CFAP58: variants seen among roughly 807,000 people sequenced by gnomAD.
The protein encoded by CFAP58 is cilia- and flagella-associated protein 58.
A neutral mutation model predicts 119.5 loss-of-function variants in CFAP58; 88 were observed. The observed-to-expected ratio is 0.74, with a 90% CI of 0.62 to 0.88. The LOEUF (loss-of-function observed/expected upper bound fraction) is 0.88, where lower values mean the gene tolerates loss of function less well. CFAP58 is among the 40% of genes least tolerant of loss of function. The pLI, the probability that CFAP58 is intolerant of heterozygous loss-of-function variation, is 0.00. For synonymous variants in CFAP58, 365 were observed against 366.3 expected, an observed-to-expected ratio of 1.00 and a Z score of 0.04; for missense variants, 990 against 1,021.2, an observed-to-expected ratio of 0.97 and a Z score of 0.42.
chr10:104,353,945 C>G (rs763907154), intron 1 of CFAP58, 39 bp downstream of exon 1: 7 of 1,610,510 alleles, frequency 4.3e-6, no homozygotes, highest in Non-Finnish European at 5.9e-6. Context: ...TTCCCTTGAC[C>G]CCTCCCCATT....
At chr10:104,346,259 AAC>A in the CFAP58 span, among the ~76,000 whole-genome samples, 2 of 152,080 alleles carry the variant, frequency 1.3e-5, no homozygotes, top group African/African-American at 4.8e-5. Context: ...CCATGACCCG[AAC>A]ACCTGAGGTA....
intron 9 of CFAP58, among the ~76,000 whole-genome samples, chr10:104,388,791 C>T (rs977300991): frequency 7.9e-5 from 12 of 152,152 alleles, no homozygotes; most frequent in Non-Finnish European, 1.6e-4. Flanking sequence ...CTATCTCACT[C>T]TTATTTCTAT....
rs533675400 is a variant in CFAP58, at chr10:104,430,956, A to G, written c.2257-16742A>G. On this transcript the variant is annotated intron_variant, in intron 15 of 17. Transcript: ENST00000369704. ...GTATTAACATTTAAAGCAAATATCA[A>G]TTCAGACTACATTTCAAGTGCTTGA... Among the ~76,000 whole-genome samples, 8 of 152,354 alleles carry G rather than the reference A, an allele frequency of 5.3e-5. No individual in the cohort carries two copies. The East Asian group carries it at 1.5e-3, about 29-fold the overall frequency.
At chr10:104,382,892 G>T (rs567529806) in intron 9 of CFAP58, among the ~76,000 whole-genome samples, 2 of 152,266 alleles carry the variant, frequency 1.3e-5, no homozygotes, top group East Asian at 3.9e-4. Context: ...TTTTGTAGCA[G>T]TATGAAAATG....
At chr10:104,391,213 T>C (rs558686063) in intron 9 of CFAP58, among the ~76,000 whole-genome samples, 1 of 152,326 alleles carries the variant, frequency 6.6e-6, no homozygotes, top group East Asian at 1.9e-4. Flanking sequence ...GAGGTCCTTT[T>C]CCACCTTTCG....
At chr10:104,409,301 T>C (rs182267849) in intron 15 of CFAP58, among the ~76,000 whole-genome samples, 95 of 152,312 alleles carry the variant, frequency 6.2e-4, no homozygotes, top group African/African-American at 2.1e-3. Flanking sequence ...ATTTTCCAAA[T>C]ATATATGTAT....
intron 5 of CFAP58, among the ~76,000 whole-genome samples, chr10:104,367,994 G>T (rs752734865): frequency 4.6e-5 from 7 of 152,202 alleles, no homozygotes; most frequent in Non-Finnish European, 8.8e-5. Context: ...CAAAAATGTT[G>T]TAGGCATGTT....
At chr10:104,368,311 A>G in intron 5 of CFAP58, 112 bp from the exon 6 acceptor site, 1 of 933,234 alleles carries the variant, frequency 1.1e-6, no homozygotes, top group Non-Finnish European at 1.6e-6. Flanking sequence ...ACAAAGACAA[A>G]AACTCAGGGT....
At chr10:104,392,055 T>C (rs2012056205) in intron 9 of CFAP58, among the ~76,000 whole-genome samples, 178 bp from the exon 10 acceptor site, 1 of 152,236 alleles carries the variant, frequency 6.6e-6, no homozygotes, top group African/African-American at 2.4e-5. Flanking sequence ...AATGTGTATT[T>C]GCCCCTAATC....
At chr10:104,452,767 G>C (rs2133104381) in intron 17 of CFAP58, among the ~76,000 whole-genome samples, 1 of 152,330 alleles carries the variant, frequency 6.6e-6, no homozygotes, top group South Asian at 2.1e-4. Context: ...GGCAGTCCTA[G>C]AAAGTTCTAG....
intron 5 of CFAP58, 59 bp from the exon 6 acceptor site, chr10:104,368,364 A>T: frequency 6.4e-7 from 1 of 1,573,178 alleles, no homozygotes; most frequent in Non-Finnish European, 8.7e-7. Context: ...CCCTGTGTGT[A>T]TATCCAACTA....
Position 104,393,388 on chromosome 10 carries a change from G to A in CFAP58, c.1587G>A (p.Leu529=). 6 of 1,614,014 alleles carry A rather than the reference G, an allele frequency of 3.7e-6. No homozygotes were observed. The highest frequency in any genetic ancestry group is 5.1e-6 in the Non-Finnish European group (6 of 1,179,880). Residue 529 remains leucine, a synonymous_variant, in exon 11 of 18, where the codon CTG becomes CTA. Transcript: ENST00000369704. ...TTATGATCCATCAGGTAGATGAGCT[G>A]AAAGAAGACATCTCTGCCAAAGAGT... is the stretch of plus-strand genomic sequence containing the variant. ...LKIMIHQVDE[L]KEDISAKESA...
intron 15 of CFAP58, among the ~76,000 whole-genome samples, chr10:104,424,187 C>T (rs1387155228): frequency 2.0e-5 from 3 of 152,156 alleles, no homozygotes; most frequent in Admixed American, 1.3e-4. Flanking sequence ...AGGAAACAGC[C>T]TGGGAGCTGC....
chr10:104,372,279 G>A (rs954862357), intron 7 of CFAP58, among the ~76,000 whole-genome samples: 1 of 152,112 alleles, frequency 6.6e-6, no homozygotes, highest in Non-Finnish European at 1.5e-5. Context: ...CTTGAACCTG[G>A]GAGGTGGAGG....
intron 9 of CFAP58, chr10:104,382,330 G>T: frequency 1.7e-6 from 1 of 579,748 alleles, no homozygotes; most frequent in South Asian, 2.2e-5. Flanking sequence ...TGTAGGGTGA[G>T]GCAGCAAATA....
intron 1 of CFAP58, among the ~76,000 whole-genome samples, chr10:104,354,810 C>A (rs2135238569): frequency 6.6e-6 from 1 of 152,316 alleles, no homozygotes; most frequent in East Asian, 1.9e-4. Context: ...TGGGGCCTTT[C>A]TGAGCAAGGG....
chr10:104,358,699 GT>G, intron 2 of CFAP58, 77 bp downstream of exon 2: 1 of 1,320,824 alleles, frequency 7.6e-7, no homozygotes, highest in Non-Finnish European at 1.0e-6. Flanking sequence ...CTCTAGGCTG[GT>G]AGTAAATGAG....
intron 3 of CFAP58, among the ~76,000 whole-genome samples, chr10:104,364,427 A>AACAC (rs66757511): frequency 0.021 from 2,936 of 142,184 alleles, 33 homozygotes; most frequent in African/African-American, 0.034. Flanking sequence ...ATGTCTGTAA[A>AACAC]ACACACACAC....
intron 15 of CFAP58, among the ~76,000 whole-genome samples, chr10:104,426,574 C>G (rs1195106131): frequency 6.6e-6 from 1 of 152,090 alleles, no homozygotes; most frequent in African/African-American, 2.4e-5. Flanking sequence ...AAAGAAAATC[C>G]ATGTTACAAA....
Sources: allele counts gnomAD v4.1 joint callset (sites outside exome capture counted in the v4.1 genomes callset), GRCh38; gene constraint gnomAD v4.1.1; transcripts MANE v1.5; gene names NCBI Gene and HGNC (gene_info 2026-07-23, HGNC 2026-07-21).